Variants in GRIP1 observed in about 807,000 individuals in gnomAD.
GRIP1 encodes glutamate receptor interacting protein 1, also known as glutamate receptor-interacting protein 1.
Under a neutral mutation model 129.9 loss-of-function variants are expected in GRIP1, and 45 were observed. That is an observed-to-expected ratio of 0.35 (90% CI 0.27 to 0.44). GRIP1 has a LOEUF of 0.44. Ranked by LOEUF, GRIP1 falls within the 20% of genes least tolerant of loss-of-function variation. The pLI is 1.00. For synonymous variants in GRIP1, 530 were observed against 520.8 expected (o/e 1.02, Z -0.24); for missense variants, 1,196 against 1,396.8 (o/e 0.86, Z 2.29).
At chr12:66,951,082 C>T (rs992883708) in intron 1 of GRIP1, among the ~76,000 whole-genome samples, 9 of 152,106 alleles carry the variant, frequency 5.9e-5, no homozygotes, top group African/African-American at 1.7e-4. Flanking sequence ...GTCATGTTCC[C>T]ACTGTCAAAG....
At chr12:66,929,309 C>T (rs2041348218) in intron 1 of GRIP1, among the ~76,000 whole-genome samples, 1 of 152,194 alleles carries the variant, frequency 6.6e-6, no homozygotes, top group Non-Finnish European at 1.5e-5. Flanking sequence ...AGAGAAGCCA[C>T]CCTGACCACC....
intron 1 of GRIP1, among the ~76,000 whole-genome samples, chr12:66,705,095 T>C (rs2035481269): frequency 6.6e-6 from 1 of 152,116 alleles, no homozygotes; most frequent in African/African-American, 2.4e-5. Flanking sequence ...GCATTAATGA[T>C]TAGTAAGAAG....
chr12:66,630,048 A>G (rs1442266737), intron 1 of GRIP1, among the ~76,000 whole-genome samples: 1 of 96,616 alleles, frequency 1.0e-5, no homozygotes. Flanking sequence ...TAGGTATTGA[A>G]GAGAATATAA....
intron 1 of GRIP1, among the ~76,000 whole-genome samples, chr12:66,949,008 CT>C (rs1470420216): frequency 1.3e-5 from 2 of 152,110 alleles, no homozygotes; most frequent in Non-Finnish European, 2.9e-5. Flanking sequence ...TATAGTGGAG[CT>C]GACACGGAGA....
At chr12:66,974,088 C>T (rs573548399) in intron 1 of GRIP1, among the ~76,000 whole-genome samples, 1 of 151,870 alleles carries the variant, frequency 6.6e-6, no homozygotes, top group Non-Finnish European at 1.5e-5. Context: ...ACACGCCCAA[C>T]TAATTTTTGT....
At chr12:67,048,395 A>T (rs2043288216) in intron 1 of GRIP1, among the ~76,000 whole-genome samples, 1 of 152,184 alleles carries the variant, frequency 6.6e-6, no homozygotes, top group Non-Finnish European at 1.5e-5. Flanking sequence ...ACGTTTGCAA[A>T]TTTTGCTCTA....
chr12:66,382,627 T>C (rs1178292562), intron 19 of GRIP1, among the ~76,000 whole-genome samples: 1 of 152,170 alleles, frequency 6.6e-6, no homozygotes, highest in Non-Finnish European at 1.5e-5. Flanking sequence ...AAGATCTCAG[T>C]TTCCTTATCT....
At chr12:66,523,178 A>C (rs1047169459) in intron 5 of GRIP1, among the ~76,000 whole-genome samples, 2 of 151,366 alleles carry the variant, frequency 1.3e-5, no homozygotes, top group African/African-American at 4.9e-5. Flanking sequence ...AATACAGAGA[A>C]CACCACAAAG....
rs75074717 is a variant in GRIP1 at position 67,002,798 on chromosome 12, T to C, written c.58+66252A>G. 8.9e-4 allele frequency among the ~76,000 whole-genome samples: 135 copies of C among 152,338 alleles called. No individual in the cohort carries two copies. The East Asian group carries it at 0.02, about 23-fold the overall frequency. ...TTTCCTTTCTTTCCTTTGCTTTTAA[T>C]ATTTAACTTCAGAGACTTCTCTAAG... On this transcript the variant is annotated intron_variant, in intron 1 of 1. Coordinates refer to the GRIP1 transcript ENST00000643019.
intron 11 of GRIP1, among the ~76,000 whole-genome samples, chr12:66,453,969 T>C: frequency 6.6e-6 from 1 of 152,236 alleles, no homozygotes; most frequent in East Asian, 1.9e-4. Flanking sequence ...AGTACTTTGT[T>C]CTCATTTTGA....
At chr12:66,430,782 T>C (rs569436528) in intron 14 of GRIP1, among the ~76,000 whole-genome samples, 1 of 152,208 alleles carries the variant, frequency 6.6e-6, no homozygotes, top group Admixed American at 6.5e-5. Flanking sequence ...AATTTGAGAG[T>C]AAAATAACTG....
At chr12:66,510,578 TCA>T (rs1424293507) in intron 7 of GRIP1, among the ~76,000 whole-genome samples, 1 of 152,206 alleles carries the variant, frequency 6.6e-6, no homozygotes, top group Non-Finnish European at 1.5e-5. Context: ...CTTATTTTTC[TCA>T]GTCTTCCTTA....
intron 6 of GRIP1, among the ~76,000 whole-genome samples, chr12:66,517,567 C>T (rs1301451389): frequency 6.6e-6 from 1 of 152,140 alleles, no homozygotes; most frequent in Non-Finnish European, 1.5e-5. Context: ...GTAAGTACCT[C>T]CCCTGTGCCA....
chr12:66,504,312 C>T (rs1277486515), intron 7 of GRIP1, among the ~76,000 whole-genome samples: 2 of 152,116 alleles, frequency 1.3e-5, no homozygotes, highest in African/African-American at 2.4e-5. Context: ...CAGTTTGTTG[C>T]CTCTTGTAGA....
At chr12:66,594,807 G>A (rs921914326) in intron 2 of GRIP1, among the ~76,000 whole-genome samples, 18 of 152,156 alleles carry the variant, frequency 1.2e-4, no homozygotes, top group Admixed American at 1.1e-3. Context: ...TCTGGATGTT[G>A]GGTTTCACCT....
At chr12:66,776,211 G>A (rs759509583) in intron 1 of GRIP1, among the ~76,000 whole-genome samples, 20 of 152,188 alleles carry the variant, frequency 1.3e-4, no homozygotes, top group South Asian at 2.1e-4. Flanking sequence ...CAAATAAAGC[G>A]ACAGGACCCT....
chr12:66,583,302 C>T (rs1289677677), intron 2 of GRIP1, among the ~76,000 whole-genome samples: 4 of 150,288 alleles, frequency 2.7e-5, no homozygotes, highest in Admixed American at 2.0e-4. Flanking sequence ...ACCATAAAAA[C>T]CCTAGAAGAA....
chr12:66,445,483 T>C lies in GRIP1; in HGVS notation c.1380A>G (p.Gly460=). 1 of 1,613,778 alleles carries C rather than the reference T, an allele frequency of 6.2e-7. No individual in the cohort carries two copies. The highest frequency in any genetic ancestry group is 8.5e-7 in the Non-Finnish European group (1 of 1,179,842). Residue 460 remains glycine, a synonymous_variant, in exon 12 of 25, where the codon GGA becomes GGG. Transcript: ENST00000359742. ...SSLSLASSTV[G]LAGQVVHTET... is the part of the protein sequence containing the mutation. The stretch of plus-strand genomic sequence containing the variant: ...CTGTGTGAACAACCTGCCCAGCCAA[T>C]CCTACTGTGCTGGAGGCTAAGGACA...
chr12:66,993,543 C>A (rs1395934807), intron 1 of GRIP1, among the ~76,000 whole-genome samples: 1 of 151,920 alleles, frequency 6.6e-6, no homozygotes, highest in Non-Finnish European at 1.5e-5. Context: ...GTAATCCCAG[C>A]ACTTTAGGAG....
Sources: allele counts gnomAD v4.1 joint callset (sites outside exome capture counted in the v4.1 genomes callset), GRCh38; gene constraint gnomAD v4.1.1; transcripts MANE v1.5; gene names NCBI Gene and HGNC (gene_info 2026-07-23, HGNC 2026-07-21).